TRIM9: variants seen among roughly 807,000 people sequenced by gnomAD.
TRIM9 encodes the protein tripartite motif containing 9.
In TRIM9, 26 loss-of-function variants were observed where a neutral mutation model predicts 78.3. That is an observed-to-expected ratio of 0.33 (90% confidence interval 0.24 to 0.46). The LOEUF is 0.46. TRIM9 is among the 20% of genes least tolerant of loss of function. The pLI is 1.00. For synonymous variants in TRIM9, 398 were observed against 416.5 expected (o/e 0.96, Z 0.54); for missense variants, 787 against 1,036.4 (o/e 0.76, Z 3.30).
At chr14:51,028,435 T>G (rs1038483551) in intron 1 of TRIM9, among the ~76,000 whole-genome samples, 2 of 152,246 alleles carry the variant, frequency 1.3e-5, no homozygotes, top group African/African-American at 2.4e-5. Context: ...AAGCTCCATC[T>G]GATGTAGAAG....
At chr14:51,054,378 T>C (rs2060714567) in intron 1 of TRIM9, among the ~76,000 whole-genome samples, 2 of 152,166 alleles carry the variant, frequency 1.3e-5, no homozygotes, top group African/African-American at 2.4e-5. Context: ...GCTCAAGCCA[T>C]ACTCCCACCT....
chr14:51,082,945 A>G (rs2063438909), intron 1 of TRIM9, among the ~76,000 whole-genome samples: 1 of 152,170 alleles, frequency 6.6e-6, no homozygotes. Context: ...TGGTCTTGGC[A>G]CTTGTGAACT....
At chr14:51,024,194 C>A (rs963457469) in intron 2 of TRIM9, among the ~76,000 whole-genome samples, 1 of 152,158 alleles carries the variant, frequency 6.6e-6, no homozygotes, top group Non-Finnish European at 1.5e-5. Flanking sequence ...TGATTTAGAG[C>A]AGAAAGAAAG....
chr14:51,025,957 C>T (rs886827606), intron 1 of TRIM9, among the ~76,000 whole-genome samples: 7 of 152,160 alleles, frequency 4.6e-5, no homozygotes, highest in East Asian at 1.9e-4. Flanking sequence ...CACTAGCCTC[C>T]GACACCAAGG....
chr14:51,004,206 G>A (rs1309977732), intron 5 of TRIM9, among the ~76,000 whole-genome samples: 1 of 152,072 alleles, frequency 6.6e-6, no homozygotes, highest in Non-Finnish European at 1.5e-5. Context: ...ACCTGATCAG[G>A]GTTCCAGCAT....
At chr14:51,010,567 G>A in intron 3 of TRIM9, 73 bp from the exon 4 acceptor site, 5 of 1,104,448 alleles carry the variant, frequency 4.5e-6, no homozygotes, top group Non-Finnish European at 6.7e-6. Context: ...TGGACCATTG[G>A]AAAGCTTCTT....
intron 1 of TRIM9, among the ~76,000 whole-genome samples, chr14:51,087,715 C>T (rs1447733121): frequency 1.3e-5 from 2 of 152,178 alleles, no homozygotes; most frequent in East Asian, 1.9e-4. Context: ...ATTAAACAAG[C>T]ATTTACTTCA....
At chr14:51,053,370 G>A (rs1486519313) in intron 1 of TRIM9, among the ~76,000 whole-genome samples, 1 of 151,676 alleles carries the variant, frequency 6.6e-6, no homozygotes, top group African/African-American at 2.4e-5. Flanking sequence ...ATGAGTCAGT[G>A]CACACTCATG....
chr14:51,030,905 G>A (rs577989236), intron 1 of TRIM9, among the ~76,000 whole-genome samples: 3 of 152,102 alleles, frequency 2.0e-5, no homozygotes, highest in East Asian at 1.9e-4. Context: ...CCAGCACTTC[G>A]GGAGGCCAAG....
chr14:51,047,959 C>CAAA (rs34404791), intron 1 of TRIM9, among the ~76,000 whole-genome samples: 9 of 146,316 alleles, frequency 6.2e-5, no homozygotes, highest in Admixed American at 1.4e-4. Context: ...GACCCTGTCT[C>CAAA]AAAAAAAAAA....
chr14:51,092,906 A>G (rs1415193077), intron 1 of TRIM9, among the ~76,000 whole-genome samples: 2 of 152,216 alleles, frequency 1.3e-5, no homozygotes, highest in Non-Finnish European at 1.5e-5. Context: ...GTGGCGCTGC[A>G]AAGATGATAC....
In TRIM9 at chr14:51,022,950, C is replaced by A; in HGVS notation, c.926G>T (p.Ser309Ile). ...CACCAGACAGGCTTCAAACTCCACA[C>A]TGTTCTCCTGTGTAACAGAGCACAT... is the stretch of plus-strand genomic sequence containing the variant. ...RNMVQQIQEN[S>I]VEFEACLVAQ... is the part of the protein sequence containing the mutation. The change falls in exon 3 of 13, where the codon AGT (serine) becomes ATT (isoleucine). Residue 309 changes from serine to isoleucine, a missense_variant. This residue lies in a region of TRIM9 where 352 missense variants were observed against 472.3 expected (regional missense o/e 0.75). Coordinates refer to ENST00000684578, the MANE Select transcript of TRIM9 (RefSeq NM_001387360.1). 1 of 1,614,088 alleles carries A rather than the reference C, an allele frequency of 6.2e-7. No homozygotes were observed. Among genetic ancestry groups the A allele is most frequent in the Non-Finnish European group, 8.5e-7 (1 of 1,180,024 alleles).
rs138085159 is a variant in TRIM9, at chr14:51,078,658, T to C, written c.822+15460A>G. 2.6e-5 allele frequency among the ~76,000 whole-genome samples: 4 copies of C among 152,318 alleles called. No homozygotes were observed. The East Asian group carries it at 5.8e-4, about 22-fold the overall frequency. ...TTTACTGTACAACATACAACGATAT[T>C]GTATGATATTTTAAAGTATTACTTA... is the stretch of plus-strand genomic sequence containing the variant. On this transcript the variant is annotated intron_variant, in intron 1 of 12. Transcript: ENST00000684578.
At position 51,053,595 on chromosome 14, in the gene TRIM9, A is replaced by T. The variant is rs866157386; in HGVS notation, c.823-28235T>A. On this transcript the variant is annotated intron_variant, in intron 1 of 12. Transcript: ENST00000684578. ...TTTTAATTTTCTTTTTTTTTTTTTA[A>T]TTTTTTTTTTTTTTATTATACTCTA... is the stretch of plus-strand genomic sequence containing the variant. Among the ~76,000 whole-genome samples the T allele has an allele frequency of 4.6e-3, 373 of 81,582 alleles. 3 individuals carry two copies. The highest frequency in any genetic ancestry group is 8.4e-3 in the African/African-American group (157 of 18,580). The allele number at this position is 81,582 out of a possible 152,430, so 53.5% of individuals were successfully genotyped here.
intron 1 of TRIM9, among the ~76,000 whole-genome samples, chr14:51,053,159 CAAA>C (rs34525509): frequency 4.5e-5 from 6 of 133,518 alleles, no homozygotes; most frequent in Admixed American, 1.5e-4. Context: ...GACCCTGTTT[CAAA>C]AAAAAAAAAA....
chr14:50,993,997 T>C (rs1288759382), intron 7 of TRIM9, among the ~76,000 whole-genome samples: 2 of 152,190 alleles, frequency 1.3e-5, no homozygotes, highest in East Asian at 1.9e-4. Context: ...CCTGTGAATA[T>C]GTTATTATCC....
At chr14:51,071,293 T>C (rs1000402233) in intron 1 of TRIM9, among the ~76,000 whole-genome samples, 3 of 150,798 alleles carry the variant, frequency 2.0e-5, no homozygotes, top group African/African-American at 7.3e-5. Context: ...GGGGAATTGC[T>C]TGAACCCGGG....
At chr14:51,013,580 T>C (rs2056830437) in intron 3 of TRIM9, among the ~76,000 whole-genome samples, 1 of 152,184 alleles carries the variant, frequency 6.6e-6, no homozygotes, top group Admixed American at 6.5e-5. Flanking sequence ...AAATAAAATG[T>C]AGGATTTAAA....
intron 12 of TRIM9, 23 bp from the exon 13 acceptor site, chr14:50,977,376 C>G (rs371419261): frequency 6.6e-7 from 1 of 1,504,272 alleles, no homozygotes; most frequent in Non-Finnish European, 8.9e-7. Context: ...ACTGTGAGTC[C>G]TGAGAGGCAT....
Sources: gnomAD v4.1 joint callset for allele counts (sites outside exome capture counted in the v4.1 genomes callset) on GRCh38, gnomAD v4.1.1 for gene constraint, gnomAD v4.1.1 regional missense constraint, MANE v1.5 for transcripts, NCBI Gene and HGNC (gene_info 2026-07-23, HGNC 2026-07-21) for gene names.